STX17: variants seen among roughly 807,000 people sequenced by gnomAD.
STX17 encodes the protein syntaxin-17.
In STX17, 29 loss-of-function variants were observed where a neutral mutation model predicts 35.9. That is an observed-to-expected ratio of 0.81 (90% CI 0.60 to 1.10). The LOEUF (loss-of-function observed/expected upper bound fraction) is 1.10. STX17 is among the 50% of genes least tolerant of loss of function. The pLI, the probability that STX17 is intolerant of heterozygous loss-of-function variation, is 0.00. For missense variants in STX17, 312 were observed against 352.3 expected (o/e 0.89, Z 0.92); for synonymous variants, 92 against 118.3 (o/e 0.78, Z 1.44).
chr9:99,949,441 A>G (rs1394412723), intron 3 of STX17, among the ~76,000 whole-genome samples: 1 of 152,064 alleles, frequency 6.6e-6, no homozygotes, highest in Non-Finnish European at 1.5e-5. Flanking sequence ...AAGATACTAC[A>G]TAGATAGACA....
chr9:99,940,470 CTTTTTT>C (rs71498721), intron 3 of STX17, among the ~76,000 whole-genome samples: 1 of 107,738 alleles, frequency 9.3e-6, no homozygotes, highest in Admixed American at 1.0e-4. Context: ...TAGAATTTTA[CTTTTTT>C]TTTTTTTTTT....
chr9:99,919,175 G>T (rs568463708), intron 2 of STX17, among the ~76,000 whole-genome samples: 89 of 152,272 alleles, frequency 5.8e-4, no homozygotes, highest in African/African-American at 2.0e-3. Flanking sequence ...GGATCTGGTG[G>T]ACTACCCGTT....
intron 6 of STX17, among the ~76,000 whole-genome samples, chr9:99,965,340 C>T (rs930591614): frequency 1.2e-4 from 18 of 152,168 alleles, no homozygotes; most frequent in Admixed American, 6.6e-5. Context: ...GAAAGTATTT[C>T]CCTGAGGCTT....
chr9:99,952,381 CA>C (rs1829619298), intron 4 of STX17, among the ~76,000 whole-genome samples: 1 of 152,164 alleles, frequency 6.6e-6, no homozygotes. Context: ...CAGGAAACAA[CA>C]GGTGCTGGAG....
intron 1 of STX17, 176 bp from the exon 2 acceptor site, chr9:99,915,002 A>G (rs901624082): frequency 3.1e-5 from 8 of 262,174 alleles, no homozygotes; most frequent in Non-Finnish European, 4.9e-5. Flanking sequence ...TAATTTTTGT[A>G]AAGAGAAAAA....
intron 3 of STX17, among the ~76,000 whole-genome samples, chr9:99,943,130 CGTTT>C (rs955874953): frequency 4.4e-4 from 67 of 151,660 alleles, no homozygotes; most frequent in African/African-American, 1.0e-3. Context: ...TTTGTTTGTT[CGTTT>C]GTTTGTTTGT....
intron 6 of STX17, among the ~76,000 whole-genome samples, chr9:99,962,177 A>C (rs956768404): frequency 1.3e-5 from 2 of 152,092 alleles, no homozygotes; most frequent in African/African-American, 4.8e-5. Flanking sequence ...TATTCTGAAT[A>C]TTTTCTTGAA....
At chr9:99,920,915 A>G (rs1828871960) in intron 2 of STX17, among the ~76,000 whole-genome samples, 1 of 152,200 alleles carries the variant, frequency 6.6e-6, no homozygotes, top group Admixed American at 6.5e-5. Context: ...AAATAAGTTC[A>G]TCTAGTTCAT....
intron 3 of STX17, 36 bp downstream of exon 3, chr9:99,928,879 G>T: frequency 1.3e-6 from 2 of 1,588,836 alleles, no homozygotes; most frequent in East Asian, 2.2e-5. Flanking sequence ...AAATCAGTAT[G>T]AAAAAGACAG....
chr9:99,928,947 T>A (rs1829050964), intron 3 of STX17, 104 bp downstream of exon 3: 1 of 917,376 alleles, frequency 1.1e-6, no homozygotes, highest in Admixed American at 2.4e-5. Context: ...TATACACATT[T>A]GTTACTATTT....
chr9:99,907,980 C>G (rs1051123624), intron 1 of STX17, among the ~76,000 whole-genome samples: 1 of 152,166 alleles, frequency 6.6e-6, no homozygotes, highest in Non-Finnish European at 1.5e-5. Context: ...TCTTTATACT[C>G]TTTCTGATCT....
chr9:99,931,182 T>C (rs1203905935), intron 3 of STX17, among the ~76,000 whole-genome samples: 1 of 152,184 alleles, frequency 6.6e-6, no homozygotes, highest in Non-Finnish European at 1.5e-5. Flanking sequence ...GGTTTCACCA[T>C]GTTGGCCAGA....
At chr9:99,933,335 A>C (rs1829163585) in intron 3 of STX17, among the ~76,000 whole-genome samples, 1 of 152,142 alleles carries the variant, frequency 6.6e-6, no homozygotes, top group Admixed American at 6.5e-5. Context: ...CAGTTTTAAG[A>C]TAAAGCTTGA....
At chr9:99,920,511 C>G (rs1384473720) in intron 2 of STX17, among the ~76,000 whole-genome samples, 1 of 152,116 alleles carries the variant, frequency 6.6e-6, no homozygotes, top group Non-Finnish European at 1.5e-5. Context: ...TTCTAGATTG[C>G]TTTGTATGTG....
intron 2 of STX17, among the ~76,000 whole-genome samples, chr9:99,927,452 C>T (rs1265149735): frequency 1.3e-5 from 2 of 151,842 alleles, no homozygotes; most frequent in Non-Finnish European, 2.9e-5. Context: ...TCAATATGGT[C>T]TAATTTTTTA....
chr9:99,911,906 T>C (rs1258759704), intron 1 of STX17, among the ~76,000 whole-genome samples: 1 of 152,200 alleles, frequency 6.6e-6, no homozygotes, highest in Non-Finnish European at 1.5e-5. Flanking sequence ...GCTGTACTAA[T>C]TTACATTCCC....
rs1471484367 is a variant in STX17 at position 99,972,641 on chromosome 9, C to CA, written c.*3971dup. ...AAGATTTTTGTACAGGAGTAAGAAT[C>CA]AAATACTGGTAACATCAATCACAAG... On this transcript the variant is annotated 3_prime_UTR_variant, in exon 8 of 8. Transcript: ENST00000259400. 2.6e-5 allele frequency among the ~76,000 whole-genome samples: 4 copies of CA among 152,172 alleles called. No homozygotes were observed. The highest frequency in any genetic ancestry group is 9.7e-5 in the African/African-American group (4 of 41,448).
chr9:99,955,199 A>G (rs905062181), intron 4 of STX17, among the ~76,000 whole-genome samples: 1 of 152,110 alleles, frequency 6.6e-6, no homozygotes, highest in African/African-American at 2.4e-5. Flanking sequence ...ATTACATTTT[A>G]AACAAATATT....
At chr9:99,932,661 G>A (rs192389741) in intron 3 of STX17, among the ~76,000 whole-genome samples, 18 of 152,178 alleles carry the variant, frequency 1.2e-4, no homozygotes, top group East Asian at 3.9e-4. Context: ...TAAAATTTGC[G>A]TATATATTTA....
Sources: gnomAD v4.1 joint callset for allele counts (sites outside exome capture counted in the v4.1 genomes callset) on GRCh38, gnomAD v4.1.1 for gene constraint, MANE v1.5 for transcripts, NCBI Gene and HGNC (gene_info 2026-07-23, HGNC 2026-07-21) for gene names.